The following NPM1 variants were observed in gnomAD, a reference collection of about 807,000 sequenced individuals.
NPM1 encodes the protein nucleophosmin.
In NPM1, 1 loss-of-function variant was observed where a neutral mutation model predicts 44.1. The observed-to-expected ratio is 0.02, with a 90% CI of 0.01 to 0.11. The LOEUF (loss-of-function observed/expected upper bound fraction) is 0.11. Among genes scored for constraint, NPM1 ranks in the 10% least tolerant of loss-of-function variants. The pLI is 1.00. For synonymous variants in NPM1, 126 were observed against 111.8 expected (o/e 1.13, Z -0.80); for missense variants, 197 against 347.8 (o/e 0.57, Z 3.45).
At chr5:171,403,634 G>T (rs1771364287) in intron 8 of NPM1, among the ~76,000 whole-genome samples, 2 of 123,804 alleles carry the variant, frequency 1.6e-5, no homozygotes, top group African/African-American at 5.9e-5. Context: ...CCGGGCAGGG[G>T]GGCTGACCCC....
At chr5:171,388,120 C>G in intron 1 of NPM1, 114 bp downstream of exon 1, 2 of 953,358 alleles carry the variant, frequency 2.1e-6, no homozygotes, top group East Asian at 2.6e-5. Context: ...GCCAGACCGA[C>G]GGGAGGCCTG....
intron 6 of NPM1, among the ~76,000 whole-genome samples, chr5:171,396,385 G>A (rs1186149998): frequency 6.6e-6 from 1 of 152,148 alleles, no homozygotes; most frequent in Non-Finnish European, 1.5e-5. Flanking sequence ...TTCTCATCTT[G>A]TTTCTAGCAC....
chr5:171,391,896 G>T lies in NPM1; in HGVS notation c.352+97G>T, dbSNP rs568386550. 33 of 603,218 alleles carry T rather than the reference G, an allele frequency of 5.5e-5. No homozygotes were observed. In the South Asian group the frequency reaches 6.4e-4, roughly 12 times the overall value. The allele number at this position is 603,218 out of a possible 1,614,324, so 37.4% of individuals were successfully genotyped here. A position where few individuals can be genotyped will look rare whatever the true frequency, so the allele number is the denominator to read the frequency against. On this transcript the variant is annotated intron_variant, in intron 4 of 10. Coordinates refer to ENST00000296930, the MANE Select transcript of NPM1 (RefSeq NM_002520.7). ...CTTAAAGCATGGGTATAGTACTACT[G>T]TCTTTTTAATAGGTTCCAATGTGAG...
At chr5:171,398,891 T>TC (rs1771048203) in intron 6 of NPM1, among the ~76,000 whole-genome samples, 2 of 152,210 alleles carry the variant, frequency 1.3e-5, no homozygotes, top group Non-Finnish European at 2.9e-5. Context: ...GAAATGAGTC[T>TC]CACTGTCACC....
At chr5:171,391,559 T>A in intron 3 of NPM1, 135 bp downstream of exon 3, 1 of 1,232,674 alleles carries the variant, frequency 8.1e-7, no homozygotes, top group Non-Finnish European at 1.2e-6. Context: ...GATGGTCAAC[T>A]CTTGAACATG....
At chr5:171,404,767 T>A (rs1312405049) in intron 8 of NPM1, among the ~76,000 whole-genome samples, 1 of 149,246 alleles carries the variant, frequency 6.7e-6, no homozygotes, top group Non-Finnish European at 1.5e-5. Flanking sequence ...CTCGGCACTT[T>A]GGGAGGCCAA....
At chr5:171,404,928 C>T (rs970275912) in intron 8 of NPM1, among the ~76,000 whole-genome samples, 1 of 152,078 alleles carries the variant, frequency 6.6e-6, no homozygotes. Context: ...AAGCAAACTC[C>T]CAAGTTACTC....
intron 6 of NPM1, among the ~76,000 whole-genome samples, chr5:171,395,620 G>A (rs150838700): frequency 6.6e-6 from 1 of 152,202 alleles, no homozygotes; most frequent in Admixed American, 6.5e-5. Flanking sequence ...TAGTAGTAAA[G>A]GATGCCTTGA....
At chr5:171,387,821 C>A (rs1402420694), upstream of NPM1, 4 of 851,940 alleles carry the variant, frequency 4.7e-6, no homozygotes, top group South Asian at 4.6e-5. Flanking sequence ...TCTTCAGGGT[C>A]TATATATAAG....
intron 4 of NPM1, 99 bp downstream of exon 4, chr5:171,391,898 C>A: frequency 3.4e-6 from 2 of 580,094 alleles, no homozygotes; most frequent in African/African-American, 2.0e-5. Context: ...GTACTACTGT[C>A]TTTTTAATAG....
At chr5:171,389,426 C>T (rs1770453958) in intron 1 of NPM1, among the ~76,000 whole-genome samples, 1 of 152,144 alleles carries the variant, frequency 6.6e-6, no homozygotes, top group Non-Finnish European at 1.5e-5. Flanking sequence ...GGCTTTAATT[C>T]CTAGTTATTT....
At chr5:171,388,272 T>G (rs897776544) in intron 1 of NPM1, among the ~76,000 whole-genome samples, 1 of 152,016 alleles carries the variant, frequency 6.6e-6, no homozygotes, top group Non-Finnish European at 1.5e-5. Flanking sequence ...TGAGGTAAAG[T>G]GGAACCGGCC....
Position 171,392,964 on chromosome 5 carries a change from G to C in NPM1, c.510G>C (p.Glu170Asp), listed in dbSNP as rs1561865927. Reference protein sequence around the residue: ...ADEDDDDDDEEDDDEDDDDDD... With the variant: ...ADEDDDDDDEDDDDEDDDDDD... The stretch of plus-strand genomic sequence containing the variant: ...AAGATGATGACGATGATGATGAAGA[G>C]GATGATGATGAAGAGTAAGTATGAT... The change falls in exon 6 of 11, where the codon GAG becomes GAC. Residue 170 changes from glutamate (E) to aspartate (D), a missense_variant. This residue lies in a region of NPM1 where 91 missense variants were observed against 94.0 expected (regional missense o/e 0.97). Transcript: ENST00000296930. 1 of 1,609,368 alleles carries C rather than the reference G, an allele frequency of 6.2e-7. No homozygotes were observed. The highest frequency in any genetic ancestry group is 1.1e-5 in the South Asian group (1 of 90,876).
intron 9 of NPM1, chr5:171,405,713 G>T (rs1771529387): frequency 3.3e-6 from 1 of 306,210 alleles, no homozygotes; most frequent in Non-Finnish European, 6.1e-6. Flanking sequence ...TATTCTGGTT[G>T]TAAGATATGC....
intron 6 of NPM1, 105 bp downstream of exon 6, chr5:171,393,083 G>C (rs1352609173): frequency 1.4e-6 from 2 of 1,404,746 alleles, no homozygotes; most frequent in African/African-American, 2.9e-5. Context: ...TTTACAAAAA[G>C]CCATCCTATG....
intron 1 of NPM1, 80 bp downstream of exon 1, chr5:171,388,086 C>T (rs947160448): frequency 1.4e-5 from 16 of 1,149,054 alleles, no homozygotes; most frequent in African/African-American, 1.4e-4. Flanking sequence ...GGGAATCCGG[C>T]TGCAACCGGG....
rs533686186 is a variant in NPM1, at chr5:171,389,407, A to T, written c.59-644A>T. On this transcript the variant is annotated intron_variant, in intron 1 of 10. Transcript: ENST00000296930. The stretch of plus-strand genomic sequence containing the variant: ...GAGTGAGAGTAGACATATGTATTCA[A>T]AACATTAAGGCTTTAATTCCTAGTT... Among the ~76,000 whole-genome samples the T allele has an allele frequency of 2.0e-5, 3 of 152,356 alleles. No individual in the cohort carries two copies. In the East Asian group the frequency reaches 5.8e-4, roughly 29 times the overall value.
intron 6 of NPM1, among the ~76,000 whole-genome samples, chr5:171,395,820 G>A (rs1770851223): frequency 6.6e-6 from 1 of 152,208 alleles, no homozygotes; most frequent in Non-Finnish European, 1.5e-5. Flanking sequence ...TGTGGGCTCA[G>A]ATGACTCTTG....
At chr5:171,406,800 T>C in intron 9 of NPM1, 1 of 778,138 alleles carries the variant, frequency 1.3e-6, no homozygotes. Flanking sequence ...TGGAGGCAGT[T>C]AAGTTTCTTA....
Sources: gnomAD v4.1 joint callset for allele counts (sites outside exome capture counted in the v4.1 genomes callset) on GRCh38, gnomAD v4.1.1 for gene constraint, gnomAD v4.1.1 regional missense constraint, MANE v1.5 for transcripts, NCBI Gene and HGNC (gene_info 2026-07-23, HGNC 2026-07-21) for gene names.